Variants in SPMAP2 observed in about 807,000 individuals in gnomAD.
SPMAP2 encodes Theg homolog.
the SPMAP2 span, among the ~76,000 whole-genome samples, chr19:366,211 A>G: frequency 1.3e-5 from 2 of 152,132 alleles, no homozygotes; most frequent in Non-Finnish European, 2.9e-5. Flanking sequence ...TCACACACGC[A>G]TGCACACGCA....
the SPMAP2 span, chr19:372,665 TG>T: frequency 6.2e-7 from 1 of 1,614,050 alleles, no homozygotes; most frequent in Non-Finnish European, 8.5e-7. Context: ...TAGAATCTCT[TG>T]GGCCGAGACA....
At chr19:371,947 C>T in the SPMAP2 span, among the ~76,000 whole-genome samples, 14 of 152,172 alleles carry the variant, frequency 9.2e-5, no homozygotes, top group African/African-American at 3.1e-4. Context: ...CATCTGGCTG[C>T]ATCTGTGTGT....
the SPMAP2 span, chr19:372,594 T>C: frequency 5.0e-6 from 8 of 1,602,938 alleles, no homozygotes; most frequent in Non-Finnish European, 6.8e-6. Flanking sequence ...TGCCAAACTC[T>C]GCCTTCTGAG....
the SPMAP2 span, among the ~76,000 whole-genome samples, chr19:367,937 T>C: frequency 6.6e-6 from 1 of 152,088 alleles, no homozygotes; most frequent in African/African-American, 2.4e-5. Context: ...ACAGAAGTCA[T>C]TTATGGTCAC....
At chr19:371,096 G>A in the SPMAP2 span, 6 of 606,746 alleles carry the variant, frequency 9.9e-6, no homozygotes, top group East Asian at 1.8e-4. Flanking sequence ...CAGCCGCCCT[G>A]TGCAGCTTCT....
the SPMAP2 span, among the ~76,000 whole-genome samples, chr19:363,063 G>C: frequency 6.6e-6 from 1 of 152,210 alleles, no homozygotes; most frequent in African/African-American, 2.4e-5. Flanking sequence ...GACGGGAATG[G>C]GGAGTGACAG....
At chr19:362,470 C>G in the SPMAP2 span, 1 of 1,479,830 alleles carries the variant, frequency 6.8e-7, no homozygotes, top group Non-Finnish European at 9.2e-7. Context: ...GCTCAAACCT[C>G]AAAGCTCCAC....
the SPMAP2 span, among the ~76,000 whole-genome samples, chr19:369,811 G>T: frequency 6.6e-6 from 1 of 151,984 alleles, no homozygotes; most frequent in East Asian, 1.9e-4. Context: ...TCTTAAGGGT[G>T]GGGGACATTA....
chr19:365,977 C>G, the SPMAP2 span, among the ~76,000 whole-genome samples: 1 of 152,152 alleles, frequency 6.6e-6, no homozygotes, highest in African/African-American at 2.4e-5. Flanking sequence ...CCTGTCTCTA[C>G]TAAAAATACA....
chr19:374,667 T>G, the SPMAP2 span: 1 of 540,748 alleles, frequency 1.8e-6, no homozygotes, highest in Non-Finnish European at 3.3e-6. Context: ...GGTCCTCAGC[T>G]TCCTCCTCTG....
chr19:366,328 CGTGT>C, the SPMAP2 span, among the ~76,000 whole-genome samples: 2 of 152,008 alleles, frequency 1.3e-5, no homozygotes, highest in African/African-American at 2.4e-5. Flanking sequence ...TCATACTCAA[CGTGT>C]GTGTGTTTGT....
the SPMAP2 span, among the ~76,000 whole-genome samples, chr19:372,931 TG>T: frequency 3.3e-5 from 5 of 152,154 alleles, no homozygotes; most frequent in Non-Finnish European, 7.4e-5. Context: ...GGACACCGGA[TG>T]GGAGTGGCAG....
At chr19:370,160 G>C in the SPMAP2 span, among the ~76,000 whole-genome samples, 1 of 152,164 alleles carries the variant, frequency 6.6e-6, no homozygotes, top group Non-Finnish European at 1.5e-5. Flanking sequence ...CGGCCAGGAT[G>C]GGGAGAGCCT....
chr19:375,979 C>G, the SPMAP2 span: 46 of 1,385,082 alleles, frequency 3.3e-5, no homozygotes, highest in Non-Finnish European at 4.0e-5. Flanking sequence ...ATACACCGGT[C>G]CCTTCCCAGC....
the SPMAP2 span, among the ~76,000 whole-genome samples, chr19:371,751 G>A: frequency 1.3e-5 from 2 of 152,338 alleles, no homozygotes; most frequent in South Asian, 4.1e-4. Context: ...TTGCAAAGCT[G>A]GGGAAAGCGA....
chr19:361,904 G>A, the SPMAP2 span: 5,662 of 175,976 alleles, frequency 0.032, 565 homozygotes, highest in African/African-American at 0.11. Flanking sequence ...CAGCAGGAGC[G>A]TCGGCTGGTT....
chr19:368,913 C>G, the SPMAP2 span, among the ~76,000 whole-genome samples: 1 of 152,184 alleles, frequency 6.6e-6, no homozygotes, highest in Non-Finnish European at 1.5e-5. The surrounding 1 kb of genome is among the most constrained non-coding windows in gnomAD (Gnocchi z 4.1). Context: ...TCAAGGAGCT[C>G]CAGTCCTGGA....
chr19:373,412 G>T, the SPMAP2 span: 421 of 1,566,036 alleles, frequency 2.7e-4, 2 homozygotes, highest in African/African-American at 8.1e-4. Context: ...GGCGGGGCAG[G>T]TTCCCTGGAG....
the SPMAP2 span, chr19:375,822 A>G: frequency 6.2e-7 from 1 of 1,607,246 alleles, no homozygotes; most frequent in African/African-American, 1.3e-5. Context: ...TGCATTGTCC[A>G]GGTCCTGGCG....
Sources: allele counts gnomAD v4.1 joint callset (sites outside exome capture counted in the v4.1 genomes callset), GRCh38; gene constraint gnomAD v4.1.1; non-coding constraint Gnocchi (gnomAD v3.1); transcripts MANE v1.5; gene names NCBI Gene and HGNC (gene_info 2026-07-23, HGNC 2026-07-21).